The following PAQR7 variants were observed in gnomAD, a reference collection of about 807,000 sequenced individuals.
The protein encoded by PAQR7 is progestin and adipoQ receptor family member 7.
Under a neutral mutation model 24.6 loss-of-function variants are expected in PAQR7, and 14 were observed. That is an observed-to-expected ratio of 0.57 (90% CI 0.38 to 0.89). PAQR7 has a LOEUF of 0.89. PAQR7 is among the 40% of genes least tolerant of loss of function. The pLI, the probability that PAQR7 is intolerant of heterozygous loss-of-function variation, is 0.00. For missense variants in PAQR7, 351 were observed against 444.0 expected (o/e 0.79, Z 1.88); for synonymous variants, 189 against 198.8 (o/e 0.95, Z 0.42).
rs2048534659 is a variant in PAQR7, at chr1:25,863,818, TGA to T, written c.20_21del (p.Leu7GlnfsTer30). 1 of 1,612,546 alleles carries T rather than the reference TGA, an allele frequency of 6.2e-7. No homozygotes were observed. Among genetic ancestry groups the T allele is most frequent in the African/African-American group, 1.3e-5 (1 of 74,812 alleles). On this transcript the variant is annotated frameshift_variant, in exon 3 of 3. Coordinates refer to ENST00000675840, the MANE Select transcript of PAQR7 (RefSeq NM_178422.6). LOFTEE classifies it high-confidence loss of function. The surrounding 1 kb of genome is among the most constrained non-coding windows in gnomAD (Gnocchi z 6.1). ...TGCCGCAGACTCGGCAGGAGGTGGC[TGA>T]GTTTCTGGGCCATGGCCATGGCTGT... MAMAQK[L>X]SHLLPSLRQV...
At position 25,863,192 on chromosome 1, in the gene PAQR7, C is replaced by T; in HGVS notation, c.648G>A (p.Leu216=). 1.2e-6 allele frequency: 2 copies of T among 1,614,208 alleles called. No individual in the cohort carries two copies. Among genetic ancestry groups the T allele is most frequent in the East Asian group, 2.2e-5 (1 of 44,886 alleles). The change falls in exon 3 of 3, where the codon CTG becomes CTA. Residue 216 remains leucine, a synonymous_variant. Transcript: ENST00000675840. This position sits in a 1 kb window ranked among gnomAD's most constrained non-coding sequence, Gnocchi z 6.1. ...TACGATGCACCACAGGACTAATGTC[C>T]AGTGCGTAGGCCAGGACGGAGGGCA... ...QEVPSVLAYA[L]DISPVVHRIF...
Position 25,863,317 on chromosome 1 carries a change from G to A in PAQR7, c.523C>T (p.Leu175=), listed in dbSNP as rs1557462491. ...CAGGCGAGAAAGGCAGCCATGGGCA[G>A]AAAAACAGCCTGCACCTGGGCATGC... ...AWHAQVQAVF[L]PMAAFLAWLS... is the part of the protein sequence containing the mutation. The change falls in exon 3 of 3, where the codon CTG becomes TTG. Residue 175 remains leucine (L), a synonymous_variant. Transcript: ENST00000675840. This position sits in a 1 kb window ranked among gnomAD's most constrained non-coding sequence, Gnocchi z 6.1. 1.2e-6 allele frequency: 2 copies of A among 1,614,238 alleles called. No homozygotes were observed. Among genetic ancestry groups the A allele is most frequent in the South Asian group, 1.1e-5 (1 of 91,088 alleles).
chr1:25,874,641 C>A (rs1299992220), intron 1 of PAQR7, among the ~76,000 whole-genome samples: 2 of 152,204 alleles, frequency 1.3e-5, no homozygotes, highest in Admixed American at 6.5e-5. Context: ...CCTGGGCTGT[C>A]CACCCAGGAG....
At chr1:25,867,121 A>T (rs1220603147) in intron 2 of PAQR7, among the ~76,000 whole-genome samples, 1 of 152,090 alleles carries the variant, frequency 6.6e-6, no homozygotes, top group Non-Finnish European at 1.5e-5. Context: ...GACCTCATGG[A>T]CTCAAGCAAT....
chr1:25,867,755 C>T (rs1373485992), intron 2 of PAQR7, among the ~76,000 whole-genome samples: 4 of 152,242 alleles, frequency 2.6e-5, no homozygotes, highest in African/African-American at 9.6e-5. Context: ...ACCCCACCCC[C>T]ACAAGCCCAC....
chr1:25,866,730 G>T (rs1274505407), intron 2 of PAQR7, among the ~76,000 whole-genome samples: 1 of 152,008 alleles, frequency 6.6e-6, no homozygotes, highest in Non-Finnish European at 1.5e-5. Flanking sequence ...TTTTTTGTGT[G>T]TTTTGTTTGT....
intron 2 of PAQR7, among the ~76,000 whole-genome samples, chr1:25,867,608 AAG>A (rs2124193325): frequency 6.6e-6 from 1 of 152,332 alleles, no homozygotes; most frequent in African/African-American, 2.4e-5. Flanking sequence ...AGACAAGGAA[AAG>A]AGATTCAGGC....
At chr1:25,872,158 T>C (rs80167306) in intron 1 of PAQR7, among the ~76,000 whole-genome samples, 5,927 of 152,294 alleles carry the variant, frequency 0.039, 382 homozygotes, top group African/African-American at 0.13. Context: ...AATAGCTGCC[T>C]CTTGGGCTCT....
In PAQR7 at chr1:25,863,467, G is replaced by A; in HGVS notation, c.373C>T (p.His125Tyr). ...FTYLSFSALA[H>Y]LLQAKSEFWH... ...AACTCAGACTTGGCCTGCAGGAGGT[G>A]AGCCAAGGCACTGAAGGAGAGGTAG... Residue 125 changes from histidine to tyrosine, a missense_variant, in exon 3 of 3, where the codon CAC becomes TAC. His to Tyr is a moderately conservative substitution (Grantham distance 83). Transcript: ENST00000675840. This position sits in a 1 kb window ranked among gnomAD's most constrained non-coding sequence, Gnocchi z 6.1. 6.2e-7 allele frequency: 1 copy of A among 1,614,210 alleles called. No homozygotes were observed. Among genetic ancestry groups the A allele is most frequent in the Non-Finnish European group, 8.5e-7 (1 of 1,180,040 alleles).
chr1:25,865,161 C>A (rs1477879662), intron 2 of PAQR7, among the ~76,000 whole-genome samples: 12 of 36,402 alleles, frequency 3.3e-4, no homozygotes, highest in Non-Finnish European at 4.8e-4. Context: ...AAAAAAAAAA[C>A]CACAAACAAA....
chr1:25,872,165 C>G (rs1031033941), intron 1 of PAQR7, among the ~76,000 whole-genome samples: 2 of 152,312 alleles, frequency 1.3e-5, no homozygotes, highest in African/African-American at 4.8e-5. Context: ...GCCTCTTGGG[C>G]TCTTGTGGAA....
chr1:25,863,156 G>A lies in PAQR7; in HGVS notation c.684C>T (p.Ser228=), dbSNP rs1343259284. ...CTGGATCATCCGTGGTGGGGTCGGA[G>A]GACACGAAGATACGATGCACCACAG... is the stretch of plus-strand genomic sequence containing the variant. The part of the protein sequence containing the change: ...ISPVVHRIFV[S]SDPTTDDPAL... Residue 228 remains serine (S), a synonymous_variant, in exon 3 of 3, where the codon TCC becomes TCT. Transcript: ENST00000675840. The surrounding 1 kb of genome is among the most constrained non-coding windows in gnomAD (Gnocchi z 6.1). The A allele has an allele frequency of 2.5e-6, 4 of 1,614,210 alleles. No homozygotes were observed. Among genetic ancestry groups the A allele is most frequent in the Non-Finnish European group, 3.4e-6 (4 of 1,180,046 alleles).
chr1:25,874,432 T>C (rs1405200263), intron 1 of PAQR7, among the ~76,000 whole-genome samples: 1 of 152,074 alleles, frequency 6.6e-6, no homozygotes, highest in African/African-American at 2.4e-5. Flanking sequence ...CCCAGAGAGG[T>C]TGGGTGAACG....
chr1:25,863,784 T>C lies in PAQR7; in HGVS notation c.56A>G (p.Gln19Arg). 1.1e-5 allele frequency: 18 copies of C among 1,613,440 alleles called. No individual in the cohort carries two copies. Among genetic ancestry groups the C allele is most frequent in the Non-Finnish European group, 1.5e-5 (18 of 1,179,950 alleles). ...HLLPSLRQVI[Q>R]EPQLSLQPEP... ...TGGCTGCAGAGATAGCTGAGGCTCC[T>C]GGATGACCTGCCGCAGACTCGGCAG... The change falls in exon 3 of 3, where the codon CAG becomes CGG. Residue 19 changes from glutamine to arginine, a missense_variant. Transcript: ENST00000675840. The surrounding 1 kb of genome is among the most constrained non-coding windows in gnomAD (Gnocchi z 6.1).
At chr1:25,865,342 G>A (rs1197123594) in intron 2 of PAQR7, among the ~76,000 whole-genome samples, 2 of 152,108 alleles carry the variant, frequency 1.3e-5, no homozygotes, top group Non-Finnish European at 2.9e-5. Context: ...TGAATCCCTG[G>A]TGCTTAGCAA....
At chr1:25,868,048 C>T (rs1271238495) in intron 2 of PAQR7, among the ~76,000 whole-genome samples, 1 of 152,238 alleles carries the variant, frequency 6.6e-6, no homozygotes, top group Non-Finnish European at 1.5e-5. Flanking sequence ...GGTTGGGGAG[C>T]CAGTTCTGGA....
In PAQR7 at chr1:25,863,901, C is replaced by T. The variant is rs1191525883; in HGVS notation, c.-22-40G>A. The T allele has an allele frequency of 1.3e-6, 2 of 1,486,170 alleles. No homozygotes were observed. The highest frequency in any genetic ancestry group is 2.3e-5 in the East Asian group (1 of 43,868). 92.1% of individuals were successfully genotyped at this position (1,486,170 alleles called of 1,614,324 possible). A position where few individuals can be genotyped will look rare whatever the true frequency, so the allele number is the denominator to read the frequency against. The stretch of plus-strand genomic sequence containing the variant: ...AGAGCAAAGTCAGGGGCCTGGTGTC[C>T]TCACCCCCACGAGCAGCAGCTGGGG... On this transcript the variant is annotated intron_variant, in intron 2 of 2. Transcript: ENST00000675840. This position sits in a 1 kb window ranked among gnomAD's most constrained non-coding sequence, Gnocchi z 6.1.
At chr1:25,874,631 CCTGGGCTG>C (rs2048634046) in intron 1 of PAQR7, among the ~76,000 whole-genome samples, 1 of 152,184 alleles carries the variant, frequency 6.6e-6, no homozygotes, top group Non-Finnish European at 1.5e-5. Context: ...GACTTGGGGT[CCTGGGCTG>C]TCCACCCAGG....
Position 25,863,260 on chromosome 1 carries a change from A to G in PAQR7, c.580T>C (p.Tyr194His). Reference protein sequence around the residue: ...LSCIGSCYNKYIQKPGLLGRT... With the variant: ...LSCIGSCYNKHIQKPGLLGRT... ...CCCAGCAGGCCTGGTTTCTGGATGTACTTGTTATAGCAGGAGCCAATGCAG... is the reference window on the plus strand; with the variant it reads ...CCCAGCAGGCCTGGTTTCTGGATGTGCTTGTTATAGCAGGAGCCAATGCAG... The change falls in exon 3 of 3, where the codon TAC becomes CAC. Residue 194 changes from tyrosine to histidine, a missense_variant. Physicochemically the swap from Tyr to His is moderately conservative, Grantham distance 83. Coordinates refer to ENST00000675840, the MANE Select transcript of PAQR7 (RefSeq NM_178422.6). The surrounding 1 kb of genome is among the most constrained non-coding windows in gnomAD (Gnocchi z 6.1). 1 of 1,614,234 alleles carries G rather than the reference A, an allele frequency of 6.2e-7. No homozygotes were observed. The highest frequency in any genetic ancestry group is 8.5e-7 in the Non-Finnish European group (1 of 1,180,044).
Sources: gnomAD v4.1 joint callset for allele counts (sites outside exome capture counted in the v4.1 genomes callset) on GRCh38, gnomAD v4.1.1 for gene constraint, Gnocchi (gnomAD v3.1) non-coding constraint, MANE v1.5 for transcripts, NCBI Gene and HGNC (gene_info 2026-07-23, HGNC 2026-07-21) for gene names.